Variants in RAP1GAP2 observed in about 807,000 individuals in gnomAD.
The protein encoded by RAP1GAP2 is RAP1 GTPase activating protein 2.
RAP1GAP2 carries 27 observed loss-of-function variants against 95.0 expected under a neutral mutation model. That is an observed-to-expected ratio of 0.28 (90% CI 0.21 to 0.39). The LOEUF (loss-of-function observed/expected upper bound fraction) is 0.39, where lower values mean the gene tolerates loss of function less well. Ranked by LOEUF, RAP1GAP2 falls within the 10% of genes least tolerant of loss-of-function variation. RAP1GAP2 has a pLI of 1.00. For missense variants in RAP1GAP2, 771 were observed against 970.0 expected, an observed-to-expected ratio of 0.79 and a Z score of 2.72; for synonymous variants, 373 against 380.9, an observed-to-expected ratio of 0.98 and a Z score of 0.24.
In RAP1GAP2 at chr17:2,844,884, A is replaced by G. The variant is rs180774805; in HGVS notation, c.80+44334A>G. Among the ~76,000 whole-genome samples the G allele has an allele frequency of 3.3e-5, 5 of 152,244 alleles. No individual in the cohort carries two copies. The East Asian group carries it at 9.7e-4, about 29-fold the overall frequency. ...TTCAGACAACAGGGAAATAAATTAG[A>G]ATTTATTAGGAGTCGGGTAAAAGGG... On this transcript the variant is annotated intron_variant, in intron 2 of 24. Coordinates refer to ENST00000254695, the MANE Select transcript of RAP1GAP2 (RefSeq NM_015085.5).
chr17:2,755,670 C>T (rs1404923573), upstream of RAP1GAP2: 2 of 281,312 alleles, frequency 7.1e-6, no homozygotes, highest in Non-Finnish European at 1.3e-5. Context: ...GCAGCCGAGC[C>T]TCCTCCACCG....
chr17:2,781,209 C>A (rs2068637722), intron 1 of RAP1GAP2, among the ~76,000 whole-genome samples: 1 of 152,198 alleles, frequency 6.6e-6, no homozygotes, highest in African/African-American at 2.4e-5. Flanking sequence ...CTTCTTGGAC[C>A]ATGCTGGGCC....
intron 1 of RAP1GAP2, among the ~76,000 whole-genome samples, chr17:2,757,931 G>C (rs2071175544): frequency 6.6e-6 from 1 of 151,498 alleles, no homozygotes; most frequent in South Asian, 2.1e-4. Flanking sequence ...GTGGAGTGGC[G>C]CGATCTCGGC....
At position 2,812,904 on chromosome 17, in the gene RAP1GAP2, C is replaced by T. The variant is rs182224758; in HGVS notation, c.80+12354C>T. Among the ~76,000 whole-genome samples, 790 of 151,076 alleles carry T rather than the reference C, an allele frequency of 5.2e-3. 4 individuals are homozygous for T. Among genetic ancestry groups the T allele is most frequent in the African/African-American group, 0.018 (735 of 41,184 alleles). On this transcript the variant is annotated intron_variant, in intron 2 of 24. Coordinates refer to ENST00000254695, the MANE Select transcript of RAP1GAP2 (RefSeq NM_015085.5). Reference sequence around the variant, plus strand: ...ACTCAGGAGGCTGAGGCAGGAGAATCGCTTGAACCCGGGAGATGGAAGTTG... The same window carrying T: ...ACTCAGGAGGCTGAGGCAGGAGAATTGCTTGAACCCGGGAGATGGAAGTTG...
At chr17:2,761,535 G>T (rs1344219848) in intron 1 of RAP1GAP2, among the ~76,000 whole-genome samples, 1 of 149,340 alleles carries the variant, frequency 6.7e-6, no homozygotes, top group Non-Finnish European at 1.5e-5. Context: ...TGATCTGCCC[G>T]CCTCGGCCTC....
chr17:2,847,488 G>T (rs558862023), intron 2 of RAP1GAP2, among the ~76,000 whole-genome samples: 1 of 152,302 alleles, frequency 6.6e-6, no homozygotes, highest in Non-Finnish European at 1.5e-5. Context: ...GCCAGGCACA[G>T]AAGGCGTTAC....
upstream of RAP1GAP2, among the ~76,000 whole-genome samples, chr17:2,776,819 G>A (rs1296544462): frequency 7.0e-6 from 1 of 142,430 alleles, no homozygotes; most frequent in Non-Finnish European, 1.5e-5. Context: ...GGACCCCGCC[G>A]CCCCGGAGGA....
intron 23 of RAP1GAP2, 77 bp from the exon 24 acceptor site, chr17:3,032,334 G>A: frequency 6.4e-7 from 1 of 1,552,436 alleles, no homozygotes; most frequent in African/African-American, 1.4e-5. Flanking sequence ...GTTGAGAGCT[G>A]AGTGCACAGA....
At chr17:2,993,299 C>T (rs538930757) in intron 12 of RAP1GAP2, among the ~76,000 whole-genome samples, 6 of 151,036 alleles carry the variant, frequency 4.0e-5, no homozygotes, top group Non-Finnish European at 8.8e-5. Context: ...ATGGGCTGAG[C>T]GTGGTGGCTC....
intron 19 of RAP1GAP2, 32 bp downstream of exon 19, chr17:3,020,627 A>C: frequency 6.3e-7 from 1 of 1,582,860 alleles, no homozygotes; most frequent in Non-Finnish European, 8.6e-7. Flanking sequence ...CCCCAGCCTG[A>C]CTTGCGGGGT....
intron 2 of RAP1GAP2, among the ~76,000 whole-genome samples, chr17:2,803,895 A>G (rs918064735): frequency 6.6e-6 from 1 of 152,204 alleles, no homozygotes; most frequent in Non-Finnish European, 1.5e-5. Context: ...AAACAAAAAC[A>G]GAACAAAACA....
At chr17:2,889,889 A>ATATATATAT (rs1408426152) in intron 2 of RAP1GAP2, among the ~76,000 whole-genome samples, 1,109 of 57,006 alleles carry the variant, frequency 0.019, 21 homozygotes, top group Non-Finnish European at 0.027. Context: ...ATATATATAT[A>ATATATATAT]TTTTTTTTTT....
intron 3 of RAP1GAP2, among the ~76,000 whole-genome samples, chr17:2,952,952 G>C (rs1461032171): frequency 6.6e-6 from 1 of 151,828 alleles, no homozygotes; most frequent in Non-Finnish European, 1.5e-5. Context: ...TTACAGGTGT[G>C]CGCCACCACA....
At chr17:2,798,433 C>G (rs1319767036) in intron 1 of RAP1GAP2, among the ~76,000 whole-genome samples, 2 of 152,082 alleles carry the variant, frequency 1.3e-5, no homozygotes, top group Non-Finnish European at 2.9e-5. Flanking sequence ...GCGGGGCCTT[C>G]TGGGCTTGGA....
At chr17:2,973,125 TC>T (rs2044945737) in intron 8 of RAP1GAP2, among the ~76,000 whole-genome samples, 2 of 152,130 alleles carry the variant, frequency 1.3e-5, no homozygotes, top group African/African-American at 4.8e-5. Flanking sequence ...AAAGGCTAGA[TC>T]CTGTACCAGT....
At position 2,957,483 on chromosome 17, in the gene RAP1GAP2, GC is replaced by G. The variant is rs1005975829; in HGVS notation, c.166-275del. 1.5e-4 allele frequency among the ~76,000 whole-genome samples: 23 copies of G among 152,370 alleles called. 1 individual carries two copies. Among genetic ancestry groups the G allele is most frequent in the Middle Eastern group, 6.8e-3 (2 of 294 alleles). On this transcript the variant is annotated intron_variant, in intron 3 of 24. Transcript: ENST00000254695. The stretch of plus-strand genomic sequence containing the variant: ...AGAATTTGGCTCTTCCCAGGGGCCG[GC>G]AGGCCCCTTTCCTTGACAGAGGCTG...
At position 2,998,132 on chromosome 17, in the gene RAP1GAP2, G is replaced by A. The variant is rs937714316; in HGVS notation, c.1045-89G>A. 7 of 1,412,364 alleles carry A rather than the reference G, an allele frequency of 5.0e-6. 1 individual carries two copies. The African/African-American group carries it at 7.1e-5, about 14-fold the overall frequency. The allele number at this position is 1,412,364 out of a possible 1,614,324, so 87.5% of individuals were successfully genotyped here. On this transcript the variant is annotated intron_variant, in intron 13 of 24. Transcript: ENST00000254695. Reference sequence around the variant, plus strand: ...CTCACTCAGAATTCAGTTTTCCTGTGTGCAAAGGAAAGTGAACCCACTCTT... The same window carrying A: ...CTCACTCAGAATTCAGTTTTCCTGTATGCAAAGGAAAGTGAACCCACTCTT...
intron 1 of RAP1GAP2, among the ~76,000 whole-genome samples, chr17:2,789,802 A>T (rs2068878611): frequency 6.7e-6 from 1 of 148,894 alleles, no homozygotes; most frequent in Non-Finnish European, 1.5e-5. Flanking sequence ...AAAAAAAAAA[A>T]GTAAATAAAT....
chr17:3,011,075 C>T (rs1018953598), intron 17 of RAP1GAP2, among the ~76,000 whole-genome samples: 2 of 151,964 alleles, frequency 1.3e-5, no homozygotes, highest in South Asian at 2.1e-4. Context: ...TATAGGTGCC[C>T]GCCACCACGC....
Sources: gnomAD v4.1 joint callset for allele counts (sites outside exome capture counted in the v4.1 genomes callset) on GRCh38, gnomAD v4.1.1 for gene constraint, MANE v1.5 for transcripts, NCBI Gene and HGNC (gene_info 2026-07-23, HGNC 2026-07-21) for gene names.